The following SHROOM3 variants were observed in gnomAD, a reference collection of about 807,000 sequenced individuals.
SHROOM3 encodes the protein shroom family member 3.
In SHROOM3, 47 loss-of-function variants were observed where a neutral mutation model predicts 138.6. The ratio of observed to expected loss-of-function variants is 0.34; its 90% CI spans 0.27 to 0.43. The LOEUF is 0.43. Ranked by LOEUF, SHROOM3 falls within the 20% of genes least tolerant of loss-of-function variation. The pLI is 1.00. For missense variants in SHROOM3, 2,491 were observed against 2,596.5 expected (o/e 0.96, Z 0.88); for synonymous variants, 1,062 against 1,063.3 (o/e 1.00, Z 0.02).
At chr4:76,663,618 C>T (rs2110094394) in intron 2 of SHROOM3, among the ~76,000 whole-genome samples, 1 of 152,294 alleles carries the variant, frequency 6.6e-6, no homozygotes, top group East Asian at 1.9e-4. Flanking sequence ...TCAGGCTGAA[C>T]TCCTGGGCTA....
At chr4:76,463,355 A>G (rs1289277420) in intron 1 of SHROOM3, among the ~76,000 whole-genome samples, 1 of 152,234 alleles carries the variant, frequency 6.6e-6, no homozygotes, top group Non-Finnish European at 1.5e-5. Flanking sequence ...AGCATTCAGG[A>G]AGTGGCCTGG....
intron 2 of SHROOM3, among the ~76,000 whole-genome samples, chr4:76,669,486 T>C (rs1718813593): frequency 6.6e-6 from 1 of 151,854 alleles, no homozygotes; most frequent in Non-Finnish European, 1.5e-5. Flanking sequence ...TAGCTGGGTG[T>C]GCCTGTAATC....
intron 5 of SHROOM3, 176 bp downstream of exon 5, chr4:76,742,102 T>G: frequency 1.2e-6 from 1 of 825,654 alleles, no homozygotes; most frequent in Non-Finnish European, 2.0e-6. Context: ...CTTACCTGGT[T>G]TCCTTATAAA....
At position 76,693,370 on chromosome 4, in the gene SHROOM3, G is replaced by GTTTTTTTTTTTTTTTTTTTTTT. The variant is rs10648549; in HGVS notation, c.324-16784_324-16763dup. Among the ~76,000 whole-genome samples, 19 of 79,832 alleles carry GTTTTTTTTTTTTTTTTTTTTTT rather than the reference G, an allele frequency of 2.4e-4. 1 individual carries two copies. The highest frequency in any genetic ancestry group is 9.2e-4 in the African/African-American group (18 of 19,564). 52.4% of individuals were successfully genotyped at this position (79,832 alleles called of 152,430 possible). On this transcript the variant is annotated intron_variant, in intron 2 of 10. Transcript: ENST00000296043. The stretch of plus-strand genomic sequence containing the variant: ...TGCATACCTTCATTTTGATAAGTTT[G>GTTTTTTTTTTTTTTTTTTTTTT]TTTTTTTTTTTTTTTTTTTTTTTAA...
rs573922440 is a variant in SHROOM3, at chr4:76,706,364, C to T, written c.324-3792C>T. Among the ~76,000 whole-genome samples the T allele has an allele frequency of 2.0e-4, 31 of 152,270 alleles. No individual in the cohort carries two copies. The East Asian group carries it at 5.8e-3, about 28-fold the overall frequency. ...GCTTGACCTCATGATCCACCCACCT[C>T]GGCCTCCGAAAGTGCTGGGATTACA... On this transcript the variant is annotated intron_variant, in intron 2 of 10. Transcript: ENST00000296043.
intron 1 of SHROOM3, among the ~76,000 whole-genome samples, chr4:76,542,595 C>T (rs1032521588): frequency 1.3e-5 from 2 of 152,118 alleles, no homozygotes; most frequent in African/African-American, 2.4e-5. Context: ...ATGAAAGAAG[C>T]CGTAAGTTAG....
At chr4:76,693,011 A>T (rs542540609) in intron 2 of SHROOM3, among the ~76,000 whole-genome samples, 2 of 152,338 alleles carry the variant, frequency 1.3e-5, no homozygotes, top group Admixed American at 1.3e-4. Context: ...TAGAAGAAAA[A>T]CTTAGGTTCT....
At position 76,561,706 on chromosome 4, in the gene SHROOM3, A is replaced by G. The variant is rs113233331; in HGVS notation, c.323+5943A>G. Among the ~76,000 whole-genome samples, 147 of 151,056 alleles carry G rather than the reference A, an allele frequency of 9.7e-4. 1 individual carries two copies. Among genetic ancestry groups the G allele is most frequent in the Non-Finnish European group, 1.7e-3 (112 of 67,672 alleles). Reference sequence around the variant, plus strand: ...GATGCTAAAAAAAAAAAAAAAAAAAAAGAGAGAGAGACAAAAGACAAGGCC... The same window carrying G: ...GATGCTAAAAAAAAAAAAAAAAAAAGAGAGAGAGAGACAAAAGACAAGGCC... On this transcript the variant is annotated intron_variant, in intron 2 of 10. Transcript: ENST00000296043.
intron 2 of SHROOM3, among the ~76,000 whole-genome samples, chr4:76,687,231 AC>A (rs1426477054): frequency 2.6e-5 from 4 of 152,206 alleles, no homozygotes; most frequent in East Asian, 1.9e-4. Context: ...CAGGCTGTGC[AC>A]CTTTTTCCTA....
intron 1 of SHROOM3, among the ~76,000 whole-genome samples, chr4:76,532,791 C>A (rs1320077733): frequency 6.6e-6 from 1 of 152,040 alleles, no homozygotes; most frequent in Non-Finnish European, 1.5e-5. Context: ...TTTACTTCAC[C>A]ATACTTTATG....
chr4:76,448,676 A>C (rs530213657), intron 1 of SHROOM3, among the ~76,000 whole-genome samples: 2 of 152,146 alleles, frequency 1.3e-5, no homozygotes, highest in Non-Finnish European at 2.9e-5. Context: ...TCATGTTCCC[A>C]CTTCCTTGTC....
intron 2 of SHROOM3, chr4:76,645,559 A>G (rs1735795630): frequency 6.6e-6 from 1 of 152,248 alleles, no homozygotes; most frequent in Non-Finnish European, 1.5e-5. Context: ...GCATAGATAG[A>G]TAATTCTGGG....
At chr4:76,606,944 C>T (rs1423253242) in intron 2 of SHROOM3, among the ~76,000 whole-genome samples, 2 of 152,076 alleles carry the variant, frequency 1.3e-5, no homozygotes, top group South Asian at 4.1e-4. Flanking sequence ...ACCAAATCAG[C>T]TTACTGTGCC....
At chr4:76,619,904 A>G (rs1734960515) in intron 2 of SHROOM3, among the ~76,000 whole-genome samples, 1 of 152,080 alleles carries the variant, frequency 6.6e-6, no homozygotes, top group African/African-American at 2.4e-5. Flanking sequence ...TCTACTAAAA[A>G]TACAAAAATT....
At chr4:76,652,567 C>T (rs766801850) in intron 2 of SHROOM3, among the ~76,000 whole-genome samples, 1 of 152,176 alleles carries the variant, frequency 6.6e-6, no homozygotes, top group Non-Finnish European at 1.5e-5. Context: ...CAGCCTGTGT[C>T]CCATATCACA....
intron 2 of SHROOM3, among the ~76,000 whole-genome samples, chr4:76,597,093 G>C (rs75176982): frequency 2.6e-5 from 4 of 152,354 alleles, no homozygotes; most frequent in African/African-American, 9.6e-5. Flanking sequence ...ATAAAAGGGT[G>C]TAATATCTGC....
intron 2 of SHROOM3, among the ~76,000 whole-genome samples, chr4:76,591,537 T>C (rs775942921): frequency 2.5e-4 from 38 of 150,648 alleles, no homozygotes; most frequent in Non-Finnish European, 3.6e-4. Context: ...TTCCTGAATA[T>C]GCAACACACT....
chr4:76,607,133 C>T (rs1297191095), intron 2 of SHROOM3, among the ~76,000 whole-genome samples: 1 of 152,136 alleles, frequency 6.6e-6, no homozygotes, highest in African/African-American at 2.4e-5. Context: ...TCATTTCCTC[C>T]AGTTTTATTG....
Position 76,741,672 on chromosome 4 carries a change from C to A in SHROOM3, c.3499C>A (p.Pro1167Thr). Reference protein sequence around the residue: ...PATVAETQQAPRDRSSSFAGG... With the variant: ...PATVAETQQATRDRSSSFAGG... Reference sequence around the variant, plus strand: ...CACAGTTGCAGAAACCCAGCAGGCTCCCCGAGATCGCAGCAGCTCCTTCGC... The same window carrying A: ...CACAGTTGCAGAAACCCAGCAGGCTACCCGAGATCGCAGCAGCTCCTTCGC... The change falls in exon 5 of 11, where the codon CCC (proline) becomes ACC (threonine). Residue 1167 changes from proline (P) to threonine (T), a missense_variant. Pro to Thr is a conservative substitution (Grantham distance 38). This residue lies in a region of SHROOM3 where 1,733 missense variants were observed against 1,661.6 expected (regional missense o/e 1.04). Transcript: ENST00000296043. This position sits in a 1 kb window ranked among gnomAD's most constrained non-coding sequence, Gnocchi z 6.2. 6.4e-7 allele frequency: 1 copy of A among 1,550,680 alleles called. No homozygotes were observed. The highest frequency in any genetic ancestry group is 8.7e-7 in the Non-Finnish European group (1 of 1,151,262).
Sources: gnomAD v4.1 joint callset for allele counts (sites outside exome capture counted in the v4.1 genomes callset) on GRCh38, gnomAD v4.1.1 for gene constraint, gnomAD v4.1.1 regional missense constraint, Gnocchi (gnomAD v3.1) non-coding constraint, MANE v1.5 for transcripts, NCBI Gene and HGNC (gene_info 2026-07-23, HGNC 2026-07-21) for gene names.